The following C8B variants were observed in gnomAD, a reference collection of about 807,000 sequenced individuals.
C8B encodes the protein complement component C8 beta chain.
A neutral mutation model predicts 64.6 loss-of-function variants in C8B; 67 were observed. The observed-to-expected ratio is 1.04, with a 90% CI of 0.85 to 1.27. The LOEUF is 1.27. Among genes scored for constraint, C8B ranks in the 50% most tolerant of loss-of-function variants. The probability of loss-of-function intolerance (pLI) is 0.00; values close to 1 mark genes in which losing one functional copy is unlikely to be tolerated. For synonymous variants in C8B, 284 were observed against 257.7 expected (o/e 1.10, Z -0.98); for missense variants, 790 against 725.2 (o/e 1.09, Z -1.03).
chr1:56,930,464 C>T (rs530962235), intron 11 of C8B, among the ~76,000 whole-genome samples: 7 of 152,292 alleles, frequency 4.6e-5, no homozygotes, highest in African/African-American at 1.4e-4. Context: ...AGGGCTCCTC[C>T]AACCAATAGG....
chr1:56,940,727 A>G, intron 9 of C8B, 122 bp downstream of exon 9: 1 of 1,017,236 alleles, frequency 9.8e-7, no homozygotes, highest in Non-Finnish European at 1.5e-6. Flanking sequence ...ACTATCGTAT[A>G]TGTGTCCCAA....
chr1:56,948,027 A>G (rs1445396851), intron 6 of C8B, among the ~76,000 whole-genome samples: 2 of 152,202 alleles, frequency 1.3e-5, no homozygotes, highest in Non-Finnish European at 2.9e-5. Flanking sequence ...CACTGTGAAC[A>G]CGAAGGCCAG....
At chr1:56,959,890 C>A (rs1043450398) in intron 2 of C8B, 130 bp downstream of exon 2, 13 of 993,534 alleles carry the variant, frequency 1.3e-5, no homozygotes, top group Non-Finnish European at 1.4e-5. Context: ...GGAAAGGATG[C>A]ATTTATTAAG....
intron 2 of C8B, chr1:56,959,751 A>G: frequency 2.4e-6 from 2 of 825,564 alleles, no homozygotes; most frequent in African/African-American, 1.7e-5. Flanking sequence ...ATGATGAAAG[A>G]TTGATTGAAA....
At chr1:56,954,875 A>G (rs773094643) in intron 3 of C8B, 48 bp from the exon 4 acceptor site, 2 of 1,612,638 alleles carry the variant, frequency 1.2e-6, no homozygotes, top group Admixed American at 1.7e-5. Context: ...TTGGCAAGAA[A>G]GGAACTAACA....
chr1:56,949,691 T>A lies in C8B; in HGVS notation c.728A>T (p.Asn243Ile). ...EYESYSDFER[N>I]VTEKMASKSG... ...CTTGCTTGCCATTTTCTCTGTGACA[T>A]TGCGTTCAAAATCTGAGTATGATTC... Residue 243 changes from asparagine (N) to isoleucine (I), a missense_variant, in exon 6 of 12, where the codon AAT (asparagine) becomes ATT (isoleucine). Coordinates refer to ENST00000371237, the MANE Select transcript of C8B (RefSeq NM_000066.4). 6.2e-7 allele frequency: 1 copy of A among 1,614,056 alleles called. No individual in the cohort carries two copies. Among genetic ancestry groups the A allele is most frequent in the Non-Finnish European group, 8.5e-7 (1 of 1,179,940 alleles).
Position 56,966,007 on chromosome 1 carries a change from G to A in C8B, c.-59C>T. On this transcript the variant is annotated 5_prime_UTR_variant, in exon 1 of 12. Coordinates refer to ENST00000371237, the MANE Select transcript of C8B (RefSeq NM_000066.4). ...GCTAGACCCATAACAAGCCTGTGCT[G>A]TGAGTGCCACTGTCAGCTTCTGTCC... The A allele has an allele frequency of 1.9e-6, 3 of 1,611,866 alleles. No homozygotes were observed. Among genetic ancestry groups the A allele is most frequent in the East Asian group, 2.2e-5 (1 of 44,786 alleles).
At position 56,949,717 on chromosome 1, in the gene C8B, A is replaced by G. The variant is rs753052693; in HGVS notation, c.702T>C (p.Tyr234=). ...TGCGTTCAAAATCTGAGTATGATTCATACTCTTTTAATATGAATTCGTATT... is the reference window on the plus strand; with the variant it reads ...TGCGTTCAAAATCTGAGTATGATTCGTACTCTTTTAATATGAATTCGTATT... ...QGKYEFILKE[Y]ESYSDFERNV... is the part of the protein sequence containing the mutation. Residue 234 remains tyrosine (Y), a synonymous_variant, in exon 6 of 12, where the codon TAT becomes TAC. Coordinates refer to ENST00000371237, the MANE Select transcript of C8B (RefSeq NM_000066.4). 10 of 1,613,844 alleles carry G rather than the reference A, an allele frequency of 6.2e-6. No homozygotes were observed. The South Asian group carries it at 9.9e-5, about 16-fold the overall frequency.
Position 56,952,293 on chromosome 1 carries a change from C to G in C8B, c.534-113G>C. 2.1e-6 allele frequency: 3 copies of G among 1,427,444 alleles called. No individual in the cohort carries two copies. The South Asian group carries it at 3.5e-5, about 16-fold the overall frequency. The allele number at this position is 1,427,444 out of a possible 1,614,324, so 88.4% of individuals were successfully genotyped here. On this transcript the variant is annotated intron_variant, in intron 4 of 11. Transcript: ENST00000371237. ...ACTCCTTGGCACAGCCTTCAAGGCC[C>G]TTGATACCTGGTCCAAGCCAGCTTT...
chr1:56,943,673 A>G, intron 8 of C8B, 23 bp downstream of exon 8: 1 of 1,613,760 alleles, frequency 6.2e-7, no homozygotes. Context: ...TAAGTGTGGA[A>G]GTCACAAGCC....
rs753735515 is a variant in C8B at position 56,933,371 on chromosome 1, C to T, written c.1516G>A (p.Ala506Thr). The T allele has an allele frequency of 5.0e-6, 8 of 1,613,748 alleles. No homozygotes were observed. Among genetic ancestry groups the T allele is most frequent in the Non-Finnish European group, 6.8e-6 (8 of 1,179,672 alleles). Reference sequence around the variant, plus strand: ...GGGACTCCATTTCCTTGGCAGGGAGCACAGTGGCAGGAACTAACTTCCTTC... The same window carrying T: ...GGGACTCCATTTCCTTGGCAGGGAGTACAGTGGCAGGAACTAACTTCCTTC... ...FQKEVSSCHCAPCQGNGVPVL... is the reference protein window; with the variant it reads ...FQKEVSSCHCTPCQGNGVPVL... The change falls in exon 10 of 12, where the codon GCT becomes ACT. Residue 506 changes from alanine to threonine, a missense_variant. By Grantham distance (58) the Ala-to-Thr change is moderately conservative (BLOSUM62 0). Transcript: ENST00000371237.
intron 11 of C8B, among the ~76,000 whole-genome samples, chr1:56,930,188 A>G (rs767036561): frequency 2.6e-5 from 4 of 152,210 alleles, no homozygotes; most frequent in Admixed American, 1.3e-4. Flanking sequence ...TTCTCAAACT[A>G]TATAATGGGA....
intron 8 of C8B, 132 bp from the exon 9 acceptor site, chr1:56,941,144 C>G (rs10430116): frequency 9.9e-7 from 1 of 1,005,378 alleles, no homozygotes; most frequent in Non-Finnish European, 1.5e-6. Flanking sequence ...GGACCAGACA[C>G]TTCCTTGTCC....
intron 2 of C8B, among the ~76,000 whole-genome samples, chr1:56,959,273 T>C (rs563230433): frequency 6.6e-6 from 1 of 152,304 alleles, no homozygotes; most frequent in Admixed American, 6.5e-5. Flanking sequence ...GGTCTACACA[T>C]TGAAAATGCA....
chr1:56,954,634 T>C, intron 4 of C8B, 52 bp downstream of exon 4: 1 of 1,609,872 alleles, frequency 6.2e-7, no homozygotes, highest in Non-Finnish European at 8.5e-7. Flanking sequence ...CCGCCAGAAT[T>C]CCATTTAATG....
chr1:56,951,453 A>G (rs1645020260), intron 5 of C8B, among the ~76,000 whole-genome samples: 1 of 152,146 alleles, frequency 6.6e-6, no homozygotes, highest in African/African-American at 2.4e-5. Context: ...TCTATACCCC[A>G]CTGTCTGTGA....
chr1:56,937,725 T>C (rs979465926), intron 9 of C8B, among the ~76,000 whole-genome samples: 2 of 152,044 alleles, frequency 1.3e-5, no homozygotes, highest in African/African-American at 4.8e-5. Context: ...ATACTTACAC[T>C]AAAAAATTAT....
rs1427154580 is a variant in C8B at position 56,931,842 on chromosome 1, T to C, written c.1589A>G (p.Gln530Arg). The change falls in exon 11 of 12, where the codon CAA becomes CGA. Residue 530 changes from glutamine to arginine, a missense_variant. Gln to Arg is a conservative substitution (Grantham distance 43, BLOSUM62 1). Coordinates refer to ENST00000371237, the MANE Select transcript of C8B (RefSeq NM_000066.4). ...ATAGGAGACCTCACAGGCTAGGCCT[T>C]GGGATCCAACAGGACAGATGCAGTC... ...RCDCICPVGSQGLACEVSYRK... is the reference protein window; with the variant it reads ...RCDCICPVGSRGLACEVSYRK... The C allele has an allele frequency of 6.2e-7, 1 of 1,612,458 alleles. No individual in the cohort carries two copies. Among genetic ancestry groups the C allele is most frequent in the East Asian group, 2.2e-5 (1 of 44,840 alleles).
At position 56,940,840 on chromosome 1, in the gene C8B, G is replaced by A. The variant is rs116348786; in HGVS notation, c.1398+9C>T. On this transcript the variant is annotated intron_variant, in intron 9 of 11. Transcript: ENST00000371237. ...TGGAGGAAAGGATGGGTAGAGCAGC[G>A]TTGTGTACCTTAACTTTGATGATGG... is the stretch of plus-strand genomic sequence containing the variant. 709 of 1,613,954 alleles carry A rather than the reference G, an allele frequency of 4.4e-4. 5 individuals carry two copies. In the African/African-American group the frequency reaches 7.6e-3, roughly 17 times the overall value.
Sources: allele counts gnomAD v4.1 joint callset (sites outside exome capture counted in the v4.1 genomes callset), GRCh38; gene constraint gnomAD v4.1.1; transcripts MANE v1.5; gene names NCBI Gene and HGNC (gene_info 2026-07-23, HGNC 2026-07-21).